Variants in HPD observed in about 807,000 individuals in gnomAD.
HPD encodes 4-hydroxyphenylpyruvic acid oxidase.
HPD carries 35 observed loss-of-function variants against 56.9 expected under a neutral mutation model. The observed-to-expected ratio is 0.62, with a 90% CI of 0.47 to 0.82. The LOEUF (loss-of-function observed/expected upper bound fraction) is 0.82. Ranked by LOEUF, HPD falls within the 40% of genes least tolerant of loss-of-function variation. The pLI is 0.00. For synonymous variants in HPD, 186 were observed against 200.2 expected (o/e 0.93, Z 0.60); for missense variants, 442 against 506.8 (o/e 0.87, Z 1.23).
chr12:121,879,698 A>G, the HPD span, among the ~76,000 whole-genome samples: 9 of 152,112 alleles, frequency 5.9e-5, no homozygotes, highest in Non-Finnish European at 1.0e-4. Flanking sequence ...CTAAAAATGT[A>G]TAAACATATA....
chr12:121,887,218 A>ATTTTT, the HPD span, among the ~76,000 whole-genome samples: 1 of 142,984 alleles, frequency 7.0e-6, no homozygotes. Context: ...ATTAATTATT[A>ATTTTT]TTTTTTTTTT....
chr12:121,844,423 A>G (rs1462246611), intron 11 of HPD, among the ~76,000 whole-genome samples: 1 of 151,710 alleles, frequency 6.6e-6, no homozygotes, highest in African/African-American at 2.4e-5. Flanking sequence ...CTCCCATTTC[A>G]TAGCTGGGGA....
chr12:121,868,472 T>A (rs1026717115), upstream of HPD, among the ~76,000 whole-genome samples: 1 of 149,500 alleles, frequency 6.7e-6, no homozygotes, highest in African/African-American at 2.5e-5. Context: ...GGGTTACAGG[T>A]GTGAGTCAAC....
the HPD span, among the ~76,000 whole-genome samples, chr12:121,872,089 AAT>A: frequency 6.7e-6 from 1 of 149,402 alleles, no homozygotes; most frequent in Non-Finnish European, 1.5e-5. Flanking sequence ...AAAAAAAAAA[AAT>A]TAGCTGGGCG....
the HPD span, among the ~76,000 whole-genome samples, chr12:121,870,890 C>T: frequency 6.6e-6 from 1 of 151,898 alleles, no homozygotes; most frequent in Non-Finnish European, 1.5e-5. Context: ...GCCACCGCAC[C>T]CGGCCTATTG....
chr12:121,875,577 C>T, the HPD span, among the ~76,000 whole-genome samples: 1 of 152,022 alleles, frequency 6.6e-6, no homozygotes, highest in African/African-American at 2.4e-5. Context: ...AGGTATGTGC[C>T]ACCAAGCCCG....
At chr12:121,883,682 C>CTTTTTT in the HPD span, among the ~76,000 whole-genome samples, 1 of 138,748 alleles carries the variant, frequency 7.2e-6, no homozygotes. Context: ...TTCCTTCTTT[C>CTTTTTT]TTTTTTTTTT....
upstream of HPD, chr12:121,859,136 C>T (rs1878110570): frequency 4.4e-6 from 2 of 453,682 alleles, no homozygotes; most frequent in Admixed American, 6.8e-5. Flanking sequence ...TGCCCAGAAT[C>T]CAAAGCTCAG....
rs11833399 is a variant in HPD, at chr12:121,854,779, C to T, written c.338G>A (p.Arg113Gln). 7,579 of 1,613,794 alleles carry T rather than the reference C, an allele frequency of 4.7e-3. 195 individuals carry two copies. The African/African-American group carries it at 0.076, about 16-fold the overall frequency. ...CDYIVQKARE[R>Q]GAKIMREPWV... ...GGGCTCCCGCATGATTTTGGCGCCC[C>T]GTTCCCGTGCTTTCTGCAGAGAAGA... The change falls in exon 7 of 14, where the codon CGG becomes CAG. Residue 113 changes from arginine to glutamine, a missense_variant. By Grantham distance (43) the Arg-to-Gln change is conservative (BLOSUM62 1). Coordinates refer to ENST00000289004, the MANE Select transcript of HPD (RefSeq NM_002150.3).
the HPD span, chr12:121,874,217 A>G: frequency 6.6e-6 from 1 of 152,172 alleles, no homozygotes; most frequent in African/African-American, 2.4e-5. Context: ...AGATTCAAGA[A>G]GAGGAAGAAT....
At chr12:121,858,908 C>G, upstream of HPD, 4 of 1,543,336 alleles carry the variant, frequency 2.6e-6, no homozygotes, top group African/African-American at 1.4e-5. Flanking sequence ...AGGTCCCGCC[C>G]AGGCCTCCTG....
At chr12:121,883,898 T>C in the HPD span, among the ~76,000 whole-genome samples, 1 of 152,112 alleles carries the variant, frequency 6.6e-6, no homozygotes, top group African/African-American at 2.4e-5. Flanking sequence ...ATCATTTTCT[T>C]TGAACCACTT....
intron 6 of HPD, 73 bp downstream of exon 6, chr12:121,856,251 C>G: frequency 8.7e-7 from 1 of 1,153,370 alleles, no homozygotes; most frequent in Non-Finnish European, 1.3e-6. Context: ...CAGTGTCCTT[C>G]CAGCCCTGAC....
At chr12:121,855,472 C>T (rs1005305359) in intron 6 of HPD, among the ~76,000 whole-genome samples, 1 of 152,160 alleles carries the variant, frequency 6.6e-6, no homozygotes, top group African/African-American at 2.4e-5. Flanking sequence ...AATCCCAGCA[C>T]TTTAGGAGGC....
upstream of HPD, among the ~76,000 whole-genome samples, chr12:121,859,528 C>T (rs975743144): frequency 1.3e-5 from 2 of 152,136 alleles, no homozygotes; most frequent in Admixed American, 6.6e-5. Flanking sequence ...GAACATGAAC[C>T]GGGCTATTCT....
chr12:121,882,187 T>G, the HPD span, among the ~76,000 whole-genome samples: 1 of 152,050 alleles, frequency 6.6e-6, no homozygotes, highest in Non-Finnish European at 1.5e-5. Context: ...TTTTATAGAT[T>G]CAGGAAACGA....
the HPD span, among the ~76,000 whole-genome samples, chr12:121,885,330 T>A: frequency 1.3e-5 from 2 of 151,892 alleles, no homozygotes; most frequent in African/African-American, 4.8e-5. Context: ...ATCTCCCGAG[T>A]AGCTGTGACT....
intron 4 of HPD, 40 bp from the exon 5 acceptor site, chr12:121,856,665 G>C (rs774905203): frequency 6.3e-7 from 1 of 1,599,194 alleles, no homozygotes; most frequent in Non-Finnish European, 8.6e-7. Context: ...AGTGGCTCAG[G>C]GGGGCATGGG....
chr12:121,867,384 C>T (rs1007143052), upstream of HPD, among the ~76,000 whole-genome samples: 4 of 151,424 alleles, frequency 2.6e-5, no homozygotes, highest in African/African-American at 2.4e-5. Flanking sequence ...GATTCATCCA[C>T]GTTGATGCTT....
Sources: allele counts gnomAD v4.1 joint callset (sites outside exome capture counted in the v4.1 genomes callset), GRCh38; gene constraint gnomAD v4.1.1; transcripts MANE v1.5; gene names NCBI Gene and HGNC (gene_info 2026-07-23, HGNC 2026-07-21).